Variants in ARSB observed in about 807,000 individuals in gnomAD.
ARSB encodes the protein N-acetylgalactosamine-4-sulfatase.
Under a neutral mutation model 50.9 loss-of-function variants are expected in ARSB, and 41 were observed. The observed-to-expected ratio is 0.81, with a 90% CI of 0.63 to 1.04. The LOEUF is 1.04. Ranked by LOEUF, ARSB falls within the 50% of genes least tolerant of loss-of-function variation. The pLI is 0.00. For missense variants in ARSB, 672 were observed against 693.3 expected, an observed-to-expected ratio of 0.97 and a Z score of 0.35; for synonymous variants, 269 against 284.8, an observed-to-expected ratio of 0.94 and a Z score of 0.56.
chr5:78,948,067 A>G (rs1751327440), intron 4 of ARSB, among the ~76,000 whole-genome samples: 1 of 152,162 alleles, frequency 6.6e-6, no homozygotes, highest in Admixed American at 6.5e-5. Context: ...CTTATTTGTA[A>G]GAGCTAAAAA....
At chr5:78,875,936 G>A (rs1237270294) in intron 5 of ARSB, among the ~76,000 whole-genome samples, 1 of 151,938 alleles carries the variant, frequency 6.6e-6, no homozygotes, top group Non-Finnish European at 1.5e-5. Context: ...CCAAAGTATT[G>A]GGATTACAGG....
intron 1 of ARSB, among the ~76,000 whole-genome samples, chr5:78,981,460 C>T (rs568903450): frequency 8.5e-5 from 13 of 152,302 alleles, no homozygotes; most frequent in African/African-American, 2.2e-4. Flanking sequence ...AAGTAGTACA[C>T]GCAATTTGTA....
intron 6 of ARSB, among the ~76,000 whole-genome samples, chr5:78,819,192 G>A (rs951688843): frequency 1.3e-5 from 2 of 152,170 alleles, no homozygotes; most frequent in African/African-American, 4.8e-5. Context: ...AGGGGCTGCT[G>A]GGAGGTGATG....
At chr5:78,814,663 C>T (rs763043859) in intron 6 of ARSB, among the ~76,000 whole-genome samples, 5 of 150,624 alleles carry the variant, frequency 3.3e-5, no homozygotes, top group Non-Finnish European at 5.9e-5. Context: ...GGGTGTTGTT[C>T]GTTATCTTTA....
At chr5:78,945,754 C>T (rs990195314) in intron 4 of ARSB, among the ~76,000 whole-genome samples, 1 of 152,162 alleles carries the variant, frequency 6.6e-6, no homozygotes, top group African/African-American at 2.4e-5. Context: ...AGACCCCCCT[C>T]CAGGACTGCT....
intron 5 of ARSB, among the ~76,000 whole-genome samples, chr5:78,852,523 C>T (rs1745870035): frequency 6.6e-6 from 1 of 152,126 alleles, no homozygotes; most frequent in Non-Finnish European, 1.5e-5. Context: ...ATGAATCTGA[C>T]AATTATGTGT....
chr5:78,917,857 G>A (rs1040682894), intron 4 of ARSB, among the ~76,000 whole-genome samples: 1 of 152,132 alleles, frequency 6.6e-6, no homozygotes, highest in Admixed American at 6.5e-5. Context: ...AGGTTCAAGG[G>A]GGAATCAAGG....
At position 78,982,016 on chromosome 5, in the gene ARSB, C is replaced by T. The variant is rs1752926821; in HGVS notation, c.312+2921G>A. ...TCGGCTCACTGCAAGCTCCGCTTCCCGGGTTCACGCCATTCTCCTGCCTCA... is the reference window on the plus strand; with the variant it reads ...TCGGCTCACTGCAAGCTCCGCTTCCTGGGTTCACGCCATTCTCCTGCCTCA... On this transcript the variant is annotated intron_variant, in intron 1 of 7. Transcript: ENST00000264914. Among the ~76,000 whole-genome samples, 3 of 34,082 alleles carry T rather than the reference C, an allele frequency of 8.8e-5. 1 individual carries two copies. Among genetic ancestry groups the T allele is most frequent in the East Asian group, 1.0e-3 (2 of 1,986 alleles). 22.4% of individuals were successfully genotyped at this position (34,082 alleles called of 152,430 possible). A position where few individuals can be genotyped will look rare whatever the true frequency, so the allele number is the denominator to read the frequency against.
intron 4 of ARSB, among the ~76,000 whole-genome samples, chr5:78,945,593 T>C (rs558890075): frequency 6.6e-6 from 1 of 152,176 alleles, no homozygotes; most frequent in Non-Finnish European, 1.5e-5. Flanking sequence ...CTGATCCTGC[T>C]TAAAACTTTT....
intron 6 of ARSB, among the ~76,000 whole-genome samples, chr5:78,785,404 T>A (rs990783121): frequency 1.3e-5 from 2 of 152,210 alleles, no homozygotes; most frequent in African/African-American, 4.8e-5. Context: ...ATCTTTTATA[T>A]CTTTATGGAC....
intron 4 of ARSB, among the ~76,000 whole-genome samples, chr5:78,926,343 A>G (rs933534708): frequency 3.3e-5 from 5 of 152,206 alleles, no homozygotes; most frequent in Non-Finnish European, 7.3e-5. Flanking sequence ...GCATTGATGA[A>G]ATAACAATAG....
chr5:78,948,218 G>C (rs1751335100), intron 4 of ARSB, among the ~76,000 whole-genome samples: 1 of 152,022 alleles, frequency 6.6e-6, no homozygotes, highest in Non-Finnish European at 1.5e-5. Flanking sequence ...ATAAGAGCTA[G>C]TATTTAATAA....
At position 78,919,089 on chromosome 5, in the gene ARSB, C is replaced by A. The variant is rs572569476; in HGVS notation, c.899-33262G>T. ...GAAGCTAGGAACCCCACTCTCCAAT[C>A]TGAGAGAAGAAGGTGGAGTTGCAGA... On this transcript the variant is annotated intron_variant, in intron 4 of 7. Transcript: ENST00000264914. 2.6e-5 allele frequency among the ~76,000 whole-genome samples: 4 copies of A among 152,320 alleles called. No individual in the cohort carries two copies. The South Asian group carries it at 8.3e-4, about 32-fold the overall frequency.
At chr5:78,867,247 G>A (rs1410717858) in intron 5 of ARSB, among the ~76,000 whole-genome samples, 3 of 152,138 alleles carry the variant, frequency 2.0e-5, no homozygotes, top group South Asian at 4.2e-4. Context: ...GGGGAGAGGC[G>A]CCCGCCATTG....
At chr5:78,840,359 C>A (rs1179298619) in intron 5 of ARSB, among the ~76,000 whole-genome samples, 3 of 152,130 alleles carry the variant, frequency 2.0e-5, no homozygotes. Context: ...CTGACGTAAC[C>A]AAGACATGGT....
chr5:78,958,836 C>T (rs1490177044), intron 3 of ARSB, among the ~76,000 whole-genome samples: 1 of 143,242 alleles, frequency 7.0e-6, no homozygotes, highest in African/African-American at 2.8e-5. Flanking sequence ...ACCAGATGAC[C>T]CAAAAAACAC....
rs138773318 is a variant in ARSB, at chr5:78,781,116, A to C, written c.1337-454T>G. On this transcript the variant is annotated intron_variant, in intron 7 of 7. Transcript: ENST00000264914. ...AAAGTATTGAAAAGATATCACTCTT[A>C]GAGAATATAATCAGAGGAGCAACCT... 3.6e-4 allele frequency among the ~76,000 whole-genome samples: 55 copies of C among 152,338 alleles called. No homozygotes were observed. In the East Asian group the frequency reaches 0.011, roughly 29 times the overall value.
At chr5:78,868,932 G>C (rs991856808) in intron 5 of ARSB, among the ~76,000 whole-genome samples, 10 of 151,746 alleles carry the variant, frequency 6.6e-5, no homozygotes, top group African/African-American at 2.2e-4. Flanking sequence ...CACGTGCAGA[G>C]ACACACATAG....
intron 6 of ARSB, among the ~76,000 whole-genome samples, chr5:78,821,486 G>T (rs529528779): frequency 5.9e-4 from 90 of 152,316 alleles, no homozygotes; most frequent in Admixed American, 2.4e-3. Flanking sequence ...AATGAAAATG[G>T]AAATGTATTT....
Sources: gnomAD v4.1 joint callset for allele counts (sites outside exome capture counted in the v4.1 genomes callset) on GRCh38, gnomAD v4.1.1 for gene constraint, MANE v1.5 for transcripts, NCBI Gene and HGNC (gene_info 2026-07-23, HGNC 2026-07-21) for gene names.